Variants in EPHA6 observed in about 807,000 individuals in gnomAD.
EPHA6 encodes ephrin type-A receptor 6.
A neutral mutation model predicts 112.0 loss-of-function variants in EPHA6; 50 were observed. The ratio of observed to expected loss-of-function variants is 0.45; its 90% CI spans 0.36 to 0.56. The LOEUF (loss-of-function observed/expected upper bound fraction) is 0.56, where lower values mean the gene tolerates loss of function less well. Ranked by LOEUF, EPHA6 falls within the 20% of genes least tolerant of loss-of-function variation. EPHA6 has a pLI of 0.00. For missense variants in EPHA6, 1,280 were observed against 1,417.4 expected (o/e 0.90, Z 1.56); for synonymous variants, 529 against 490.7 (o/e 1.08, Z -1.03).
chr3:96,994,707 G>GTATA lies in EPHA6; in HGVS notation c.1114+6715_1114+6716insATAT, dbSNP rs1340605702. ...TGTGTGTGTGTATGTGTGTGTGTGT[G>GTATA]TGTATATATATATATATATATATAT... On this transcript the variant is annotated intron_variant, in intron 3 of 17. Transcript: ENST00000389672. Among the ~76,000 whole-genome samples the GTATA allele has an allele frequency of 7.7e-3, 718 of 92,862 alleles. 4 individuals carry two copies. Among genetic ancestry groups the GTATA allele is most frequent in the Non-Finnish European group, 0.01 (556 of 54,842 alleles). 60.9% of individuals were successfully genotyped at this position (92,862 alleles called of 152,430 possible).
At chr3:96,909,687 G>A (rs2039118251) in intron 2 of EPHA6, among the ~76,000 whole-genome samples, 1 of 151,846 alleles carries the variant, frequency 6.6e-6, no homozygotes, top group African/African-American at 2.4e-5. Flanking sequence ...ATCTTATGAG[G>A]AACCCTTATA....
chr3:96,955,838 C>T (rs2107735305), intron 2 of EPHA6, among the ~76,000 whole-genome samples: 1 of 152,222 alleles, frequency 6.6e-6, no homozygotes, highest in Admixed American at 6.5e-5. Flanking sequence ...TAATTAAAAA[C>T]AGTTGTCAGT....
chr3:96,841,979 C>G (rs2034778174), intron 1 of EPHA6, among the ~76,000 whole-genome samples: 1 of 151,988 alleles, frequency 6.6e-6, no homozygotes, highest in Non-Finnish European at 1.5e-5. Flanking sequence ...GATTAAAAGT[C>G]CCGGGATGGA....
At chr3:97,340,232 G>T (rs1465451208) in intron 5 of EPHA6, among the ~76,000 whole-genome samples, 2 of 152,130 alleles carry the variant, frequency 1.3e-5, no homozygotes, top group Non-Finnish European at 2.9e-5. Context: ...CTTTGTATAT[G>T]TAGAAGTTCC....
chr3:97,598,265 T>C (rs2093611100), intron 12 of EPHA6, among the ~76,000 whole-genome samples: 1 of 146,368 alleles, frequency 6.8e-6, no homozygotes, highest in African/African-American at 2.6e-5. Flanking sequence ...TTTAGTTAAG[T>C]TTTTTTTTTA....
chr3:97,703,171 T>A (rs1029609776), intron 14 of EPHA6, among the ~76,000 whole-genome samples: 1 of 152,178 alleles, frequency 6.6e-6, no homozygotes, highest in Admixed American at 6.5e-5. Flanking sequence ...AGAAGCCATT[T>A]GGGAAGAGCC....
intron 10 of EPHA6, among the ~76,000 whole-genome samples, chr3:97,513,053 T>C (rs1382399089): frequency 6.6e-6 from 1 of 152,206 alleles, no homozygotes; most frequent in Non-Finnish European, 1.5e-5. Flanking sequence ...CATGAGGACA[T>C]ATTTCCAATC....
intron 1 of EPHA6, among the ~76,000 whole-genome samples, chr3:96,853,817 TC>T (rs1191909271): frequency 6.6e-6 from 1 of 151,976 alleles, no homozygotes; most frequent in Non-Finnish European, 1.5e-5. Flanking sequence ...TCTAGTAACT[TC>T]CTTTGACACA....
intron 2 of EPHA6, among the ~76,000 whole-genome samples, chr3:96,946,646 T>G (rs1256810469): frequency 6.6e-6 from 1 of 152,208 alleles, no homozygotes; most frequent in Non-Finnish European, 1.5e-5. Context: ...CGTGTGCATG[T>G]GTCTTTATAG....
chr3:96,948,829 G>A (rs2041402138), intron 2 of EPHA6, among the ~76,000 whole-genome samples: 1 of 152,130 alleles, frequency 6.6e-6, no homozygotes, highest in Non-Finnish European at 1.5e-5. Flanking sequence ...CAGAGAATTG[G>A]AATAAGGTAC....
At chr3:97,414,757 A>C (rs1284363253) in intron 6 of EPHA6, among the ~76,000 whole-genome samples, 3 of 152,062 alleles carry the variant, frequency 2.0e-5, no homozygotes, top group Non-Finnish European at 4.4e-5. Context: ...ATTATTAATG[A>C]CACTGATATA....
chr3:96,919,811 G>A (rs573859433), intron 2 of EPHA6, among the ~76,000 whole-genome samples: 1 of 151,730 alleles, frequency 6.6e-6, no homozygotes, highest in African/African-American at 2.4e-5. Context: ...CATTCTGTTA[G>A]TTCCAAGTGT....
intron 1 of EPHA6, among the ~76,000 whole-genome samples, chr3:96,865,518 C>T (rs1462232260): frequency 6.6e-6 from 1 of 151,482 alleles, no homozygotes; most frequent in Non-Finnish European, 1.5e-5. Context: ...CTTGTCTCTA[C>T]AATAAATGAA....
At chr3:97,378,055 G>A (rs1447475632) in intron 5 of EPHA6, among the ~76,000 whole-genome samples, 1 of 152,214 alleles carries the variant, frequency 6.6e-6, no homozygotes, top group Non-Finnish European at 1.5e-5. Context: ...AGAGACCTTT[G>A]CAGCAGCCTC....
At chr3:97,274,212 T>C (rs967855835) in intron 5 of EPHA6, among the ~76,000 whole-genome samples, 1 of 152,040 alleles carries the variant, frequency 6.6e-6, no homozygotes, top group Non-Finnish European at 1.5e-5. Context: ...TTGCCTTGTG[T>C]GGGAAGAGAT....
intron 1 of EPHA6, among the ~76,000 whole-genome samples, chr3:96,847,770 C>T (rs1233484863): frequency 1.3e-5 from 2 of 151,902 alleles, no homozygotes; most frequent in Non-Finnish European, 2.9e-5. Context: ...TTCAGTTTCC[C>T]CTATGAAGGT....
intron 13 of EPHA6, among the ~76,000 whole-genome samples, chr3:97,636,350 G>C (rs1222200440): frequency 6.6e-6 from 1 of 152,120 alleles, no homozygotes; most frequent in Non-Finnish European, 1.5e-5. Flanking sequence ...GTACATGATA[G>C]AAGAGGCAGA....
chr3:97,088,385 G>T (rs746167256), intron 3 of EPHA6, among the ~76,000 whole-genome samples: 2 of 152,030 alleles, frequency 1.3e-5, no homozygotes, highest in Non-Finnish European at 2.9e-5. Context: ...ACTGAGCAAG[G>T]ATTATTCATG....
intron 10 of EPHA6, among the ~76,000 whole-genome samples, chr3:97,493,967 T>A (rs28437711): frequency 0.068 from 10,344 of 152,226 alleles, 1,101 homozygotes; most frequent in African/African-American, 0.23. Flanking sequence ...TATGCTGATG[T>A]GATTGCTGTT....
Sources: gnomAD v4.1 joint callset for allele counts (sites outside exome capture counted in the v4.1 genomes callset) on GRCh38, gnomAD v4.1.1 for gene constraint, MANE v1.5 for transcripts, NCBI Gene and HGNC (gene_info 2026-07-23, HGNC 2026-07-21) for gene names.